RYR3: variants seen among roughly 807,000 people sequenced by gnomAD.
RYR3 encodes ryanodine receptor 3, also known as brain ryanodine receptor-calcium release channel.
RYR3 carries 207 observed loss-of-function variants against 584.3 expected under a neutral mutation model. The ratio of observed to expected loss-of-function variants is 0.35; its 90% CI spans 0.32 to 0.40. The LOEUF is 0.40. Among genes scored for constraint, RYR3 ranks in the 10% least tolerant of loss-of-function variants. The pLI, the probability that RYR3 is intolerant of heterozygous loss-of-function variation, is 1.00. For synonymous variants in RYR3, 2,416 were observed against 2,248.5 expected (o/e 1.07, Z -2.11); for missense variants, 5,616 against 6,089.2 (o/e 0.92, Z 2.59).
chr15:33,797,218 A>G (rs1418718147), intron 67 of RYR3, among the ~76,000 whole-genome samples: 1 of 152,104 alleles, frequency 6.6e-6, no homozygotes, highest in Admixed American at 6.5e-5. Flanking sequence ...TCTAAACCCA[A>G]CCTTCTTCTC....
At chr15:33,787,966 G>C (rs539150225) in intron 66 of RYR3, among the ~76,000 whole-genome samples, 2 of 152,194 alleles carry the variant, frequency 1.3e-5, no homozygotes, top group African/African-American at 2.4e-5. Flanking sequence ...AGGTTCGAGG[G>C]AGGCAGGGGC....
chr15:33,834,986 C>G lies in RYR3; in HGVS notation c.11482C>G (p.Gln3828Glu). 6.2e-7 allele frequency: 1 copy of G among 1,613,968 alleles called. No homozygotes were observed. The highest frequency in any genetic ancestry group is 8.5e-7 in the Non-Finnish European group (1 of 1,179,864). Residue 3828 changes from glutamine to glutamate, a missense_variant, in exon 87 of 104, where the codon CAA becomes GAA. By Grantham distance (29) the Gln-to-Glu change is conservative. Around this residue, in one of 9 missense-constraint regions of RYR3, gnomAD observed 954 missense variants for 1,132.2 expected, o/e 0.84. Coordinates refer to ENST00000634891, the MANE Select transcript of RYR3 (RefSeq NM_001036.6). Reference protein sequence around the residue: ...EYIQGPCIGNQQSLAHSRLWD... With the variant: ...EYIQGPCIGNEQSLAHSRLWD... ...TCTGCAGGGCCCTTGCATTGGTAAT[C>G]AACAGAGCCTGGCTCACAGCAGGCT...
chr15:33,581,628 C>A lies in RYR3; in HGVS notation c.1558C>A (p.Leu520Ile), dbSNP rs1284858952. ...GMAWKEILNL[L>I]YKLLAALIRG... Reference sequence around the variant, plus strand: ...GGCCTGGAAAGAAATTCTGAACCTCCTCTACAAATTGCTGGGTAAGTACAC... The same window carrying A: ...GGCCTGGAAAGAAATTCTGAACCTCATCTACAAATTGCTGGGTAAGTACAC... Residue 520 changes from leucine (L) to isoleucine (I), a missense_variant, in exon 14 of 104, where the codon CTC (leucine) becomes ATC (isoleucine). This residue lies in a region of RYR3 where 1,284 missense variants were observed against 1,344.6 expected (regional missense o/e 0.95). Transcript: ENST00000634891. The A allele has an allele frequency of 6.2e-7, 1 of 1,613,708 alleles. No homozygotes were observed. Among genetic ancestry groups the A allele is most frequent in the South Asian group, 1.1e-5 (1 of 91,072 alleles).
At chr15:33,631,697 C>A (rs949035644) in intron 23 of RYR3, among the ~76,000 whole-genome samples, 2 of 152,178 alleles carry the variant, frequency 1.3e-5, no homozygotes, top group African/African-American at 4.8e-5. Context: ...ATTCGTTTGA[C>A]CTCCTATATC....
At chr15:33,661,047 A>C (rs1219458209) in intron 34 of RYR3, among the ~76,000 whole-genome samples, 3 of 152,216 alleles carry the variant, frequency 2.0e-5, no homozygotes, top group Non-Finnish European at 4.4e-5. Flanking sequence ...AAAGCAGAGC[A>C]ATGGGAAAGG....
At chr15:33,417,595 G>A (rs2043909553) in intron 1 of RYR3, among the ~76,000 whole-genome samples, 1 of 152,150 alleles carries the variant, frequency 6.6e-6, no homozygotes, top group Admixed American at 6.5e-5. Context: ...GGAATCTTTA[G>A]GATTTTCTAG....
chr15:33,461,076 C>T (rs1212626931), intron 1 of RYR3, among the ~76,000 whole-genome samples: 1 of 151,210 alleles, frequency 6.6e-6, no homozygotes, highest in Non-Finnish European at 1.5e-5. Context: ...TCCCGAGTAG[C>T]TGTAACTACA....
intron 3 of RYR3, among the ~76,000 whole-genome samples, chr15:33,529,027 G>T (rs2054625027): frequency 1.3e-5 from 2 of 152,208 alleles, no homozygotes; most frequent in African/African-American, 4.8e-5. Flanking sequence ...AATAATATAA[G>T]TGGATAAGAT....
chr15:33,401,005 T>A (rs36061049), intron 1 of RYR3, among the ~76,000 whole-genome samples: 9,461 of 133,126 alleles, frequency 0.071, 397 homozygotes, highest in Non-Finnish European at 0.095. Flanking sequence ...CTGAAATAAC[T>A]GTTGGTTCTG....
At chr15:33,663,500 TAC>T (rs1460940524) in intron 35 of RYR3, 35 bp from the exon 36 acceptor site, 2 of 1,581,490 alleles carry the variant, frequency 1.3e-6, no homozygotes, top group African/African-American at 2.7e-5. Context: ...CTCACCAAAG[TAC>T]ACAAAGTGTT....
intron 19 of RYR3, among the ~76,000 whole-genome samples, chr15:33,622,895 C>A (rs2060797414): frequency 6.6e-6 from 1 of 152,150 alleles, no homozygotes; most frequent in South Asian, 2.1e-4. Context: ...CTTCTTTTTG[C>A]ATGGGGAACT....
intron 38 of RYR3, among the ~76,000 whole-genome samples, chr15:33,671,445 T>C (rs2063829839): frequency 6.6e-6 from 1 of 152,162 alleles, no homozygotes; most frequent in Non-Finnish European, 1.5e-5. Context: ...TACTTTGGGG[T>C]TCATACATCT....
At chr15:33,701,548 A>G (rs1025465018) in intron 42 of RYR3, among the ~76,000 whole-genome samples, 1 of 151,996 alleles carries the variant, frequency 6.6e-6, no homozygotes, top group African/African-American at 2.4e-5. Context: ...CGGCCTCACT[A>G]CGTCTTTTCC....
chr15:33,857,021 A>C (rs1353026603), intron 98 of RYR3, among the ~76,000 whole-genome samples: 2 of 152,176 alleles, frequency 1.3e-5, no homozygotes, highest in Non-Finnish European at 2.9e-5. Flanking sequence ...GGTAACAGCT[A>C]GCTCTGTATG....
chr15:33,664,587 G>GTATATATATATATATA (rs879709155), intron 36 of RYR3, among the ~76,000 whole-genome samples: 6 of 42,626 alleles, frequency 1.4e-4, no homozygotes, highest in African/African-American at 4.5e-4. Flanking sequence ...GTGTGTGTGT[G>GTATATATATATATATA]TGTATATATA....
chr15:33,312,390 G>T (rs1349038121), intron 1 of RYR3, among the ~76,000 whole-genome samples: 1 of 151,850 alleles, frequency 6.6e-6, no homozygotes, highest in African/African-American at 2.4e-5. Context: ...GGGGGGTATG[G>T]AAGTACCTAT....
At chr15:33,573,881 C>T (rs924483072) in intron 12 of RYR3, among the ~76,000 whole-genome samples, 2 of 152,140 alleles carry the variant, frequency 1.3e-5, no homozygotes, top group African/African-American at 4.8e-5. Context: ...CCATTGTTCC[C>T]CATGCCAAGC....
At chr15:33,843,927 G>A (rs1414177774) in intron 92 of RYR3, among the ~76,000 whole-genome samples, 1 of 152,156 alleles carries the variant, frequency 6.6e-6, no homozygotes, top group African/African-American at 2.4e-5. Context: ...AGGTAACCAA[G>A]AGCCATTATA....
At chr15:33,602,000 A>C (rs941769186) in intron 17 of RYR3, among the ~76,000 whole-genome samples, 1 of 152,086 alleles carries the variant, frequency 6.6e-6, no homozygotes, top group African/African-American at 2.4e-5. Context: ...GTCTGTGAGG[A>C]TCAGGGTGAA....
Sources: gnomAD v4.1 joint callset for allele counts (sites outside exome capture counted in the v4.1 genomes callset) on GRCh38, gnomAD v4.1.1 for gene constraint, gnomAD v4.1.1 regional missense constraint, MANE v1.5 for transcripts, NCBI Gene and HGNC (gene_info 2026-07-23, HGNC 2026-07-21) for gene names.